The following CPNE4 variants were observed in gnomAD, a reference collection of about 807,000 sequenced individuals.
CPNE4 encodes the protein copine 4.
CPNE4 carries 25 observed loss-of-function variants against 67.9 expected under a neutral mutation model. The observed-to-expected ratio is 0.37, with a 90% confidence interval of 0.27 to 0.51. The LOEUF is 0.51. Ranked by LOEUF, CPNE4 falls within the 20% of genes least tolerant of loss-of-function variation. The pLI is 0.93. For synonymous variants in CPNE4, 242 were observed against 244.9 expected, an observed-to-expected ratio of 0.99 and a Z score of 0.11; for missense variants, 464 against 690.8, an observed-to-expected ratio of 0.67 and a Z score of 3.68.
chr3:131,568,453 T>C (rs554017941), intron 10 of CPNE4, among the ~76,000 whole-genome samples: 20 of 152,104 alleles, frequency 1.3e-4, no homozygotes, highest in African/African-American at 4.1e-4. Flanking sequence ...TGGCTACTGA[T>C]GCCTGGTTTT....
intron 1 of CPNE4, among the ~76,000 whole-genome samples, chr3:131,959,961 G>A (rs1038291356): frequency 1.3e-5 from 2 of 152,142 alleles, no homozygotes; most frequent in African/African-American, 2.4e-5. Context: ...TAAGTAATAT[G>A]TCATACTTCT....
chr3:131,923,992 A>T (rs544877989), intron 1 of CPNE4, among the ~76,000 whole-genome samples: 76 of 152,270 alleles, frequency 5.0e-4, no homozygotes, highest in Non-Finnish European at 4.9e-4. Flanking sequence ...CCTGACTCTT[A>T]CGTGGCCCAG....
chr3:131,650,630 G>A (rs1271726931), intron 7 of CPNE4, among the ~76,000 whole-genome samples: 2 of 148,270 alleles, frequency 1.3e-5, no homozygotes, highest in Admixed American at 6.7e-5. Flanking sequence ...CTGTAGTCCC[G>A]GCTACTCGGG....
chr3:131,848,912 T>A (rs1293117051), intron 2 of CPNE4, among the ~76,000 whole-genome samples: 1 of 145,520 alleles, frequency 6.9e-6, no homozygotes, highest in Non-Finnish European at 1.5e-5. Context: ...AGAAGGCGTT[T>A]TTTTTTCATC....
chr3:132,011,382 G>T (rs2073757790), intron 1 of CPNE4, among the ~76,000 whole-genome samples: 1 of 152,152 alleles, frequency 6.6e-6, no homozygotes, highest in Non-Finnish European at 1.5e-5. Context: ...AAAAAGCTTG[G>T]ATTTCACACT....
chr3:131,856,243 G>A (rs972292563), intron 2 of CPNE4, among the ~76,000 whole-genome samples: 2 of 151,716 alleles, frequency 1.3e-5, no homozygotes, highest in Admixed American at 6.6e-5. Context: ...TTATGTTTAT[G>A]GTTTATGTTT....
At chr3:131,760,255 C>T (rs1463059397) in intron 2 of CPNE4, among the ~76,000 whole-genome samples, 3 of 152,146 alleles carry the variant, frequency 2.0e-5, no homozygotes, top group Non-Finnish European at 1.5e-5. Flanking sequence ...GGAAAGAAGA[C>T]TGGCATTTCT....
In CPNE4 at chr3:131,659,318, C is replaced by T. The variant is rs77452920; in HGVS notation, c.681+10357G>A. The stretch of plus-strand genomic sequence containing the variant: ...CCCTTCATCATTAAGCAACTTTATC[C>T]ACGTCCCAGTTTTCCCCAAGTATCT... On this transcript the variant is annotated intron_variant, in intron 7 of 15. Transcript: ENST00000429747. 7.7e-3 allele frequency among the ~76,000 whole-genome samples: 1,166 copies of T among 152,142 alleles called. 20 individuals carry two copies. The highest frequency in any genetic ancestry group is 0.027 in the African/African-American group (1,104 of 41,466).
intron 1 of CPNE4, among the ~76,000 whole-genome samples, chr3:131,998,609 A>G (rs999518062): frequency 6.6e-6 from 1 of 152,114 alleles, no homozygotes; most frequent in Non-Finnish European, 1.5e-5. Flanking sequence ...CATTTTTCAG[A>G]GTTGCATTTT....
At chr3:131,847,489 T>C (rs2086049059) in intron 2 of CPNE4, among the ~76,000 whole-genome samples, 2 of 152,174 alleles carry the variant, frequency 1.3e-5, no homozygotes, top group South Asian at 4.1e-4. Flanking sequence ...GTAAATCTGA[T>C]CATTTTCCAA....
chr3:131,758,141 C>G (rs1056202741), intron 2 of CPNE4, among the ~76,000 whole-genome samples: 1 of 152,166 alleles, frequency 6.6e-6, no homozygotes, highest in Non-Finnish European at 1.5e-5. Flanking sequence ...GACCACTGTC[C>G]TCCGGACCCC....
Position 131,599,287 on chromosome 3 carries a change from G to C in CPNE4, c.682-11705C>G, listed in dbSNP as rs538962155. On this transcript the variant is annotated intron_variant, in intron 7 of 15. Transcript: ENST00000429747. ...TGTTTGGAGGTTGTGACTTGAATAT[G>C]GGTAGATTTTGGCCAGTTGTGTACA... Among the ~76,000 whole-genome samples the C allele has an allele frequency of 1.6e-3, 243 of 152,302 alleles. 2 individuals are homozygous for C. The highest frequency in any genetic ancestry group is 2.4e-3 in the Non-Finnish European group (160 of 68,030).
At chr3:131,842,604 C>A (rs1451604444) in intron 2 of CPNE4, among the ~76,000 whole-genome samples, 1 of 151,912 alleles carries the variant, frequency 6.6e-6, no homozygotes, top group Non-Finnish European at 1.5e-5. Flanking sequence ...TTTACACCAA[C>A]ATGATTGTGT....
intron 7 of CPNE4, among the ~76,000 whole-genome samples, chr3:131,644,409 A>G (rs758237355): frequency 4.6e-5 from 7 of 152,142 alleles, no homozygotes; most frequent in Non-Finnish European, 1.0e-4. Flanking sequence ...GTCCTCCCAA[A>G]GTGCTGGGAT....
At chr3:131,899,178 G>A (rs1215914250) in intron 2 of CPNE4, among the ~76,000 whole-genome samples, 2 of 152,078 alleles carry the variant, frequency 1.3e-5, no homozygotes, top group East Asian at 3.9e-4. Context: ...GTGAGTGTGG[G>A]AGTGTAGTCT....
intron 1 of CPNE4, among the ~76,000 whole-genome samples, chr3:131,942,451 TGTGTGTGTGTGTGA>T (rs2071418064): frequency 1.6e-5 from 1 of 62,448 alleles, no homozygotes; most frequent in African/African-American, 7.2e-5. Context: ...TGTGTGTGTG[TGTGTGTGTGTGTGA>T]GAGAGAGAGA....
intron 3 of CPNE4, among the ~76,000 whole-genome samples, chr3:131,702,294 T>A (rs1037984194): frequency 6.6e-6 from 1 of 152,204 alleles, no homozygotes; most frequent in African/African-American, 2.4e-5. Context: ...TCTACAAATA[T>A]TTATTTGGCC....
At chr3:131,653,232 G>T (rs930109807) in intron 7 of CPNE4, among the ~76,000 whole-genome samples, 10 of 139,580 alleles carry the variant, frequency 7.2e-5, no homozygotes, top group African/African-American at 2.7e-4. Flanking sequence ...TGCAAGCTCC[G>T]CCTCCCGGTT....
At chr3:131,728,766 C>T (rs965911967) in intron 2 of CPNE4, among the ~76,000 whole-genome samples, 1 of 151,750 alleles carries the variant, frequency 6.6e-6, no homozygotes, top group African/African-American at 2.4e-5. Context: ...AAAAATTAGC[C>T]GGTCGTGGTG....
Sources: allele counts gnomAD v4.1 joint callset (sites outside exome capture counted in the v4.1 genomes callset), GRCh38; gene constraint gnomAD v4.1.1; transcripts MANE v1.5; gene names NCBI Gene and HGNC (gene_info 2026-07-23, HGNC 2026-07-21).